Variants in LPAR1 observed in about 807,000 individuals in gnomAD.
LPAR1 encodes lysophosphatidic acid receptor 1, also known as LPA receptor 1.
Under a neutral mutation model 23.8 loss-of-function variants are expected in LPAR1, and 5 were observed. That is an observed-to-expected ratio of 0.21 (90% confidence interval 0.11 to 0.44). LPAR1 has a LOEUF of 0.44. LPAR1 is among the 20% of genes least tolerant of loss of function. The pLI is 0.99. For synonymous variants in LPAR1, 160 were observed against 164.7 expected (o/e 0.97, Z 0.22); for missense variants, 311 against 482.8 (o/e 0.64, Z 3.33).
chr9:111,021,308 A>G (rs1256263128), intron 2 of LPAR1, among the ~76,000 whole-genome samples: 2 of 152,178 alleles, frequency 1.3e-5, no homozygotes, highest in Admixed American at 6.5e-5. Flanking sequence ...GTCATTATAC[A>G]TCAATAAAGC....
intron 2 of LPAR1, among the ~76,000 whole-genome samples, chr9:111,006,051 T>C (rs1161766133): frequency 6.6e-6 from 1 of 152,118 alleles, no homozygotes; most frequent in Non-Finnish European, 1.5e-5. Context: ...CCTGGCAATA[T>C]AGACAGTGCT....
intron 4 of LPAR1, among the ~76,000 whole-genome samples, chr9:110,969,725 A>AAG (rs2096351504): frequency 1.3e-5 from 2 of 151,990 alleles, no homozygotes; most frequent in Admixed American, 6.5e-5. Context: ...AAAAAAAAAA[A>AAG]GAAATAAATA....
intron 2 of LPAR1, among the ~76,000 whole-genome samples, chr9:110,984,775 A>C (rs1427985363): frequency 6.6e-6 from 1 of 151,606 alleles, no homozygotes; most frequent in Non-Finnish European, 1.5e-5. Context: ...CGGTGACAAA[A>C]AAAAAAGAAT....
At chr9:110,937,921 C>T (rs1156472166) in intron 5 of LPAR1, among the ~76,000 whole-genome samples, 1 of 152,124 alleles carries the variant, frequency 6.6e-6, no homozygotes, top group East Asian at 1.9e-4. Context: ...CAGGAGTTTT[C>T]CAGGCTGTTG....
intron 5 of LPAR1, among the ~76,000 whole-genome samples, chr9:110,893,541 G>C (rs1327821903): frequency 2.0e-5 from 3 of 152,172 alleles, no homozygotes; most frequent in Non-Finnish European, 4.4e-5. Flanking sequence ...TACAAAAAAT[G>C]TCTAGAAGGA....
intron 5 of LPAR1, among the ~76,000 whole-genome samples, chr9:110,894,599 T>G (rs1448759005): frequency 6.6e-6 from 1 of 152,234 alleles, no homozygotes; most frequent in Non-Finnish European, 1.5e-5. Context: ...TTCCCTACTA[T>G]GCCATTACCA....
At chr9:110,967,138 A>G (rs1242604678) in intron 4 of LPAR1, among the ~76,000 whole-genome samples, 1 of 152,198 alleles carries the variant, frequency 6.6e-6, no homozygotes, top group Non-Finnish European at 1.5e-5. Flanking sequence ...CAGCAGAATT[A>G]TAAATCGGTT....
chr9:110,982,861 T>TACACACACACACACAC (rs55748505), intron 2 of LPAR1, among the ~76,000 whole-genome samples: 10 of 139,980 alleles, frequency 7.1e-5, no homozygotes, highest in South Asian at 2.4e-4. Context: ...TATATACACA[T>TACACACACACACACAC]ACACACACAC....
intron 5 of LPAR1, among the ~76,000 whole-genome samples, chr9:110,904,910 C>T (rs1204278663): frequency 6.6e-6 from 1 of 152,216 alleles, no homozygotes; most frequent in Non-Finnish European, 1.5e-5. Context: ...GTATGACACA[C>T]TCCAAGCTCT....
chr9:110,971,558 A>G (rs1224781231), intron 4 of LPAR1, among the ~76,000 whole-genome samples: 1 of 152,202 alleles, frequency 6.6e-6, no homozygotes, highest in Admixed American at 6.5e-5. Context: ...ACAGAAAAAA[A>G]TAACTCATAC....
intron 2 of LPAR1, among the ~76,000 whole-genome samples, chr9:111,034,262 T>A (rs897284069): frequency 7.9e-5 from 12 of 152,188 alleles, no homozygotes; most frequent in African/African-American, 2.4e-4. Flanking sequence ...TAATAATAAT[T>A]CTTTTTCTTC....
At chr9:110,989,122 G>C (rs2096847489) in intron 2 of LPAR1, among the ~76,000 whole-genome samples, 1 of 152,152 alleles carries the variant, frequency 6.6e-6, no homozygotes, top group Admixed American at 6.6e-5. Context: ...TCAGGAGTTT[G>C]GAAGAGGATA....
chr9:110,883,953 C>G (rs919590882), intron 5 of LPAR1, among the ~76,000 whole-genome samples: 1 of 150,774 alleles, frequency 6.6e-6, no homozygotes, highest in Non-Finnish European at 1.5e-5. Context: ...TCTTCTCCCT[C>G]CCCCACCCCC....
At chr9:110,954,933 C>A (rs1167322716) in intron 4 of LPAR1, among the ~76,000 whole-genome samples, 1 of 152,036 alleles carries the variant, frequency 6.6e-6, no homozygotes, top group East Asian at 1.9e-4. Flanking sequence ...ACTGGTAGAG[C>A]AAACACACAA....
At chr9:110,983,838 C>T (rs773518781) in intron 2 of LPAR1, among the ~76,000 whole-genome samples, 177 of 151,968 alleles carry the variant, frequency 1.2e-3, no homozygotes, top group Middle Eastern at 0.01. Flanking sequence ...ATTAACCTCA[C>T]CCCAACAAAT....
chr9:110,893,879 C>A (rs1020000425), intron 5 of LPAR1, among the ~76,000 whole-genome samples: 1 of 152,060 alleles, frequency 6.6e-6, no homozygotes, highest in Non-Finnish European at 1.5e-5. Context: ...ACTATGCTCC[C>A]TGGTCTAAGA....
At chr9:110,980,067 T>A (rs2138888405) in intron 2 of LPAR1, among the ~76,000 whole-genome samples, 1 of 152,224 alleles carries the variant, frequency 6.6e-6, no homozygotes, top group South Asian at 2.1e-4. Context: ...ATGAACAGCA[T>A]TAACAAGGTC....
chr9:110,952,833 C>T (rs777163923), intron 4 of LPAR1, among the ~76,000 whole-genome samples: 1 of 152,156 alleles, frequency 6.6e-6, no homozygotes, highest in East Asian at 1.9e-4. Flanking sequence ...CCTGAGGACA[C>T]GTCCACCTGG....
At chr9:110,961,908 G>T (rs189426993) in intron 4 of LPAR1, among the ~76,000 whole-genome samples, 3 of 152,126 alleles carry the variant, frequency 2.0e-5, no homozygotes, top group African/African-American at 7.2e-5. Context: ...TGGGAGCTAC[G>T]ATTCAGGATA....
Sources: allele counts gnomAD v4.1 joint callset (sites outside exome capture counted in the v4.1 genomes callset), GRCh38; gene constraint gnomAD v4.1.1; transcripts MANE v1.5; gene names NCBI Gene and HGNC (gene_info 2026-07-23, HGNC 2026-07-21).